The following LAMA2 variants were observed in gnomAD, a reference collection of about 807,000 sequenced individuals.
The protein encoded by LAMA2 is laminin subunit alpha-2.
A neutral mutation model predicts 364.8 loss-of-function variants in LAMA2; 269 were observed. The observed-to-expected ratio is 0.74, with a 90% confidence interval of 0.67 to 0.82. The LOEUF is 0.82. Ranked by LOEUF, LAMA2 falls within the 40% of genes least tolerant of loss-of-function variation. The pLI is 0.00. For synonymous variants in LAMA2, 1,379 were observed against 1,370.6 expected (o/e 1.01, Z -0.14); for missense variants, 3,807 against 3,873.2 (o/e 0.98, Z 0.45).
intron 1 of LAMA2, among the ~76,000 whole-genome samples, chr6:128,948,617 T>G (rs1780624488): frequency 6.6e-6 from 1 of 152,160 alleles, no homozygotes; most frequent in African/African-American, 2.4e-5. Flanking sequence ...CATGTTGAAA[T>G]GGTATTCCCA....
Position 129,505,244 on chromosome 6 carries a change from T to C in LAMA2, c.8592T>C (p.Asp2864=), listed in dbSNP as rs1256619547. ...AGCAAGAAGGAATTCTTTATGTAGATGGGGCTTCCAACAGAACCATCAGTC... is the reference window on the plus strand; with the variant it reads ...AGCAAGAAGGAATTCTTTATGTAGACGGGGCTTCCAACAGAACCATCAGTC... ...RSKQEGILYV[D]GASNRTISPK... is the part of the protein sequence containing the mutation. The change falls in exon 61 of 65, where the codon GAT becomes GAC. Residue 2864 remains aspartate, a synonymous_variant. Coordinates refer to ENST00000421865, the MANE Select transcript of LAMA2 (RefSeq NM_000426.4). The C allele has an allele frequency of 1.2e-6, 2 of 1,613,906 alleles. No homozygotes were observed. The highest frequency in any genetic ancestry group is 1.3e-5 in the African/African-American group (1 of 75,036).
chr6:129,169,006 G>C lies in LAMA2; in HGVS notation c.1306+3331G>C, dbSNP rs1353323395. Among the ~76,000 whole-genome samples the C allele has an allele frequency of 2.0e-5, 3 of 152,312 alleles. No homozygotes were observed. In the East Asian group the frequency reaches 5.8e-4, roughly 29 times the overall value. On this transcript the variant is annotated intron_variant, in intron 9 of 64. Coordinates refer to ENST00000421865, the MANE Select transcript of LAMA2 (RefSeq NM_000426.4). ...AGAATGCTTGTGACTTTTGTACATT[G>C]ATTTTGTATCCTGAGACTTTGCTGA...
intron 28 of LAMA2, among the ~76,000 whole-genome samples, chr6:129,322,788 G>A (rs1405495128): frequency 6.6e-6 from 1 of 152,006 alleles, no homozygotes. Context: ...CTTCCATTCT[G>A]GATTTAAAAT....
At chr6:129,136,085 T>G (rs533877479) in intron 4 of LAMA2, among the ~76,000 whole-genome samples, 1 of 152,266 alleles carries the variant, frequency 6.6e-6, no homozygotes, top group Non-Finnish European at 1.5e-5. Context: ...TTTTTTTGTT[T>G]TTTTGAAAAT....
chr6:129,208,978 G>C (rs1453613078), intron 12 of LAMA2, among the ~76,000 whole-genome samples: 1 of 152,086 alleles, frequency 6.6e-6, no homozygotes, highest in East Asian at 1.9e-4. Context: ...GGTTTGAAGT[G>C]ATCATCAGCC....
chr6:129,092,361 G>A (rs964128608), intron 3 of LAMA2, among the ~76,000 whole-genome samples: 2 of 152,100 alleles, frequency 1.3e-5, no homozygotes, highest in African/African-American at 4.8e-5. Context: ...TATTCCAATG[G>A]GTATTAAGCT....
At chr6:129,356,486 C>T (rs1471892583) in intron 32 of LAMA2, among the ~76,000 whole-genome samples, 2 of 152,056 alleles carry the variant, frequency 1.3e-5, no homozygotes, top group African/African-American at 4.8e-5. Context: ...CATTCCCATT[C>T]CTTATCATCC....
intron 20 of LAMA2, among the ~76,000 whole-genome samples, chr6:129,294,093 A>G (rs1013476763): frequency 9.8e-4 from 150 of 152,324 alleles, no homozygotes; most frequent in African/African-American, 3.4e-3. Flanking sequence ...TTCTGCTGCA[A>G]TGGGGTTCTG....
chr6:129,403,121 A>T lies in LAMA2; in HGVS notation c.5726+634A>T, dbSNP rs542739633. ...ACAATTTTGGGATTGTCGTAATTTA[A>T]TAGCGGTGCTATTAGCCCCAAGAAT... On this transcript the variant is annotated intron_variant, in intron 39 of 64. Transcript: ENST00000421865. 5.2e-4 allele frequency among the ~76,000 whole-genome samples: 79 copies of T among 152,342 alleles called. 1 individual carries two copies. In the South Asian group the frequency reaches 0.015, roughly 29 times the overall value.
chr6:129,194,558 G>C (rs562246108), intron 12 of LAMA2, among the ~76,000 whole-genome samples: 12 of 152,016 alleles, frequency 7.9e-5, no homozygotes, highest in Non-Finnish European at 1.5e-5. Context: ...TTCCCCTACC[G>C]ATCATTTTCA....
intron 2 of LAMA2, among the ~76,000 whole-genome samples, chr6:129,055,483 C>T (rs1161659754): frequency 2.6e-5 from 4 of 152,010 alleles, no homozygotes; most frequent in South Asian, 2.1e-4. Context: ...TGTGAGCCAC[C>T]GCGCCTGGCC....
intron 4 of LAMA2, among the ~76,000 whole-genome samples, chr6:129,135,915 A>G (rs940590730): frequency 6.6e-6 from 1 of 152,224 alleles, no homozygotes; most frequent in African/African-American, 2.4e-5. Flanking sequence ...TAACTGAAGA[A>G]AGAAAAACAC....
chr6:128,998,555 C>G (rs1784156597), intron 1 of LAMA2, among the ~76,000 whole-genome samples: 1 of 97,738 alleles, frequency 1.0e-5, no homozygotes, highest in Non-Finnish European at 2.0e-5. Flanking sequence ...CGTGCGCGAG[C>G]CGAAGCAGGG....
intron 12 of LAMA2, among the ~76,000 whole-genome samples, chr6:129,206,980 A>T (rs1782720221): frequency 6.6e-6 from 1 of 152,224 alleles, no homozygotes; most frequent in Admixed American, 6.5e-5. Context: ...ATAGCTTATT[A>T]TGATGATAAA....
intron 1 of LAMA2, among the ~76,000 whole-genome samples, chr6:128,937,616 C>G (rs1033594358): frequency 6.6e-6 from 1 of 151,644 alleles, no homozygotes; most frequent in Admixed American, 6.6e-5. Flanking sequence ...CTCTATGATC[C>G]TTTTTTATTT....
chr6:129,445,722 A>G lies in LAMA2; in HGVS notation c.6330A>G (p.Ile2110Met), dbSNP rs1024520383. 1.9e-6 allele frequency: 3 copies of G among 1,613,780 alleles called. No homozygotes were observed. The highest frequency in any genetic ancestry group is 2.5e-6 in the Non-Finnish European group (3 of 1,179,850). Residue 2110 changes from isoleucine to methionine, a missense_variant, in exon 45 of 65, where the codon ATA becomes ATG. Transcript: ENST00000421865. ...TAGAACAGGAAGCTGACCGGCTAAT[A>G]GATAAACTCAAACCCATCAAGGAAC... ...KNLEQEADRL[I>M]DKLKPIKELE...
At chr6:129,010,200 G>A (rs1784679341) in intron 1 of LAMA2, among the ~76,000 whole-genome samples, 1 of 152,110 alleles carries the variant, frequency 6.6e-6, no homozygotes, top group Admixed American at 6.6e-5. Context: ...GAATGATCCT[G>A]CATATATCTT....
intron 53 of LAMA2, among the ~76,000 whole-genome samples, chr6:129,477,579 TCTG>T (rs1784130327): frequency 6.6e-6 from 1 of 152,188 alleles, no homozygotes; most frequent in Admixed American, 6.5e-5. Context: ...CATTTCCTAA[TCTG>T]CTGGCACACT....
chr6:129,253,298 C>T (rs568845866), intron 14 of LAMA2, among the ~76,000 whole-genome samples: 4 of 152,252 alleles, frequency 2.6e-5, no homozygotes, highest in Admixed American at 1.3e-4. Flanking sequence ...CCTGACAACC[C>T]GGTATACCTT....
Sources: allele counts gnomAD v4.1 joint callset (sites outside exome capture counted in the v4.1 genomes callset), GRCh38; gene constraint gnomAD v4.1.1; transcripts MANE v1.5; gene names NCBI Gene and HGNC (gene_info 2026-07-23, HGNC 2026-07-21).